KCNN2: variants seen among roughly 807,000 people sequenced by gnomAD.
The protein encoded by KCNN2 is potassium calcium-activated channel subfamily N member 2.
In KCNN2, 24 loss-of-function variants were observed where a neutral mutation model predicts 55.5. The ratio of observed to expected loss-of-function variants is 0.43; its 90% CI spans 0.31 to 0.61. The LOEUF (loss-of-function observed/expected upper bound fraction) is 0.61, where lower values mean the gene tolerates loss of function less well. Ranked by LOEUF, KCNN2 falls within the 20% of genes least tolerant of loss-of-function variation. The probability of loss-of-function intolerance (pLI) is 0.08; values close to 1 mark genes in which losing one functional copy is unlikely to be tolerated. For missense variants in KCNN2, 754 were observed against 853.6 expected (o/e 0.88, Z 1.45); for synonymous variants, 431 against 336.1 (o/e 1.28, Z -3.09).
At chr5:114,179,993 G>T (rs1753208126) in intron 1 of KCNN2, among the ~76,000 whole-genome samples, 1 of 152,036 alleles carries the variant, frequency 6.6e-6, no homozygotes, top group African/African-American at 2.4e-5. Flanking sequence ...CCTATTAAAT[G>T]TATTTTTAAA....
intron 7 of KCNN2, among the ~76,000 whole-genome samples, chr5:114,494,839 C>G (rs919575142): frequency 2.0e-5 from 3 of 152,052 alleles, no homozygotes; most frequent in Non-Finnish European, 4.4e-5. Context: ...AACAAGGTGC[C>G]TATATTCTGA....
chr5:114,386,024 T>C (rs1187917562), intron 2 of KCNN2, among the ~76,000 whole-genome samples: 1 of 149,744 alleles, frequency 6.7e-6, no homozygotes, highest in Non-Finnish European at 1.5e-5. Context: ...TAAAAAAAAA[T>C]ACAAAAAATT....
At chr5:114,381,023 A>G (rs915107208) in intron 2 of KCNN2, among the ~76,000 whole-genome samples, 55 of 152,100 alleles carry the variant, frequency 3.6e-4, no homozygotes, top group African/African-American at 1.3e-3. Flanking sequence ...CTGTGTTTTC[A>G]TCTGTGGTGT....
At chr5:114,287,124 C>T (rs1192974132) in intron 2 of KCNN2, among the ~76,000 whole-genome samples, 2 of 152,036 alleles carry the variant, frequency 1.3e-5, no homozygotes, top group East Asian at 1.9e-4. Context: ...ATACCAAGGA[C>T]CAAAAGAGTA....
chr5:114,071,000 T>C (rs1750557162), intron 1 of KCNN2, among the ~76,000 whole-genome samples: 1 of 152,240 alleles, frequency 6.6e-6, no homozygotes, highest in Non-Finnish European at 1.5e-5. Flanking sequence ...AATATTAGCT[T>C]CATGCAAAGC....
chr5:114,064,598 C>A (rs930584848), intron 1 of KCNN2, among the ~76,000 whole-genome samples: 1 of 152,132 alleles, frequency 6.6e-6, no homozygotes. Flanking sequence ...CTACCAAGAG[C>A]AGAACTATGC....
chr5:114,360,606 CAAAG>C (rs561531036), upstream of KCNN2, among the ~76,000 whole-genome samples: 409 of 152,296 alleles, frequency 2.7e-3, 4 homozygotes, highest in African/African-American at 8.9e-3. Context: ...GGAGCAGAAA[CAAAG>C]AACATAAGGA....
chr5:114,256,707 T>G (rs1402085226), intron 2 of KCNN2, among the ~76,000 whole-genome samples: 2 of 152,214 alleles, frequency 1.3e-5, no homozygotes, highest in Non-Finnish European at 2.9e-5. Context: ...TTTGCCCACT[T>G]ATTAATGGGA....
intron 1 of KCNN2, among the ~76,000 whole-genome samples, chr5:114,197,068 C>T (rs771885894): frequency 2.6e-4 from 39 of 152,042 alleles, no homozygotes; most frequent in Non-Finnish European, 4.4e-5. Context: ...GAAATATCTT[C>T]TAATATCCCT....
intron 2 of KCNN2, among the ~76,000 whole-genome samples, chr5:114,383,673 G>A (rs1758196195): frequency 6.6e-6 from 1 of 151,990 alleles, no homozygotes; most frequent in South Asian, 2.1e-4. Context: ...TTGCCATGTT[G>A]GCCAGGCTGG....
intron 4 of KCNN2, among the ~76,000 whole-genome samples, chr5:114,463,720 A>T (rs73247805): frequency 0.02 from 3,122 of 152,336 alleles, 123 homozygotes; most frequent in African/African-American, 0.071. Context: ...ACAAGGGAAG[A>T]CTTGCATTTT....
chr5:114,400,440 C>T (rs1011487963), intron 2 of KCNN2, among the ~76,000 whole-genome samples: 2 of 152,170 alleles, frequency 1.3e-5, no homozygotes, highest in African/African-American at 2.4e-5. Flanking sequence ...CCACAACTGC[C>T]CCTCTTCACC....
At chr5:114,126,489 T>G (rs1751932813) in intron 1 of KCNN2, among the ~76,000 whole-genome samples, 1 of 152,054 alleles carries the variant, frequency 6.6e-6, no homozygotes, top group Non-Finnish European at 1.5e-5. Flanking sequence ...ACTAACTCAT[T>G]CTCATGAGAA....
chr5:114,398,217 G>C (rs1758679431), intron 2 of KCNN2, among the ~76,000 whole-genome samples: 2 of 152,150 alleles, frequency 1.3e-5, no homozygotes, highest in Non-Finnish European at 2.9e-5. Context: ...ATTGTATAAA[G>C]AAGGAATCCA....
At chr5:114,354,558 T>G (rs901186296) in intron 2 of KCNN2, among the ~76,000 whole-genome samples, 1 of 152,092 alleles carries the variant, frequency 6.6e-6, no homozygotes, top group African/African-American at 2.4e-5. Context: ...CTAAGGAAAC[T>G]GAAACACTGG....
At chr5:114,086,497 A>C (rs576031193) in intron 1 of KCNN2, among the ~76,000 whole-genome samples, 2 of 151,472 alleles carry the variant, frequency 1.3e-5, no homozygotes, top group Admixed American at 6.6e-5. Flanking sequence ...TGAGTATCCA[A>C]TGTTTAGCTC....
chr5:114,116,553 G>T (rs1400229765), intron 1 of KCNN2, among the ~76,000 whole-genome samples: 1 of 151,988 alleles, frequency 6.6e-6, no homozygotes, highest in South Asian at 2.1e-4. Flanking sequence ...GACATAAGAG[G>T]GTTCCTGTTT....
At chr5:114,490,315 A>G (rs187327481) in intron 6 of KCNN2, among the ~76,000 whole-genome samples, 3 of 152,296 alleles carry the variant, frequency 2.0e-5, no homozygotes, top group Non-Finnish European at 4.4e-5. Context: ...AAAAATTACA[A>G]TGCCTTTGTT....
At chr5:114,085,111 A>C (rs1750987243) in intron 1 of KCNN2, among the ~76,000 whole-genome samples, 1 of 151,728 alleles carries the variant, frequency 6.6e-6, no homozygotes, top group East Asian at 1.9e-4. Context: ...TGTCTTGATT[A>C]CTGTAGCTTT....
Sources: allele counts gnomAD v4.1 joint callset (sites outside exome capture counted in the v4.1 genomes callset), GRCh38; gene constraint gnomAD v4.1.1; transcripts MANE v1.5; gene names NCBI Gene and HGNC (gene_info 2026-07-23, HGNC 2026-07-21).